Variants in SLC13A2 observed in about 807,000 individuals in gnomAD.
The protein encoded by SLC13A2 is solute carrier family 13 member 2.
In SLC13A2, 40 loss-of-function variants were observed where a neutral mutation model predicts 58.5. The ratio of observed to expected loss-of-function variants is 0.68; its 90% CI spans 0.53 to 0.89. The LOEUF is 0.89. SLC13A2 is among the 40% of genes least tolerant of loss of function. SLC13A2 has a pLI of 0.00. For missense variants in SLC13A2, 694 were observed against 772.6 expected (o/e 0.90, Z 1.21); for synonymous variants, 341 against 331.6 (o/e 1.03, Z -0.31).
intron 6 of SLC13A2, among the ~76,000 whole-genome samples, chr17:28,492,251 A>G (rs974563978): frequency 6.6e-6 from 1 of 152,228 alleles, no homozygotes; most frequent in African/African-American, 2.4e-5. Context: ...TGAGAATACT[A>G]GAAGGCACTG....
intron 1 of SLC13A2, among the ~76,000 whole-genome samples, chr17:28,477,445 T>G (rs190453428): frequency 6.6e-6 from 1 of 151,738 alleles, no homozygotes; most frequent in Admixed American, 6.6e-5. Context: ...CCGCCCGCCT[T>G]GGCCTCCCAA....
chr17:28,475,228 T>C (rs1555599678), intron 1 of SLC13A2, among the ~76,000 whole-genome samples: 1 of 152,104 alleles, frequency 6.6e-6, no homozygotes, highest in Non-Finnish European at 1.5e-5. Context: ...AAATCCTGAG[T>C]CAGTGCTAGA....
intron 1 of SLC13A2, among the ~76,000 whole-genome samples, chr17:28,475,878 C>T (rs531898019): frequency 1.3e-5 from 2 of 152,302 alleles, no homozygotes; most frequent in South Asian, 2.1e-4. Context: ...GATCTTATGC[C>T]ATCTCGTGCT....
At chr17:28,495,237 G>T (rs922431332) in intron 9 of SLC13A2, among the ~76,000 whole-genome samples, 2 of 152,166 alleles carry the variant, frequency 1.3e-5, no homozygotes, top group East Asian at 1.9e-4. Flanking sequence ...CCTCTGTCAG[G>T]GTCCTCCCCC....
At chr17:28,477,715 A>G (rs1200664918) in intron 1 of SLC13A2, among the ~76,000 whole-genome samples, 2 of 152,204 alleles carry the variant, frequency 1.3e-5, no homozygotes, top group East Asian at 1.9e-4. Flanking sequence ...ACATTATGCC[A>G]TGCACTTCAA....
Position 28,493,553 on chromosome 17 carries a change from C to T in SLC13A2, c.879-18C>T. ...TGGAGCAGGCCCCCCACGAGCTGCC[C>T]CGTCCCTCTGCCTGCAGCTTCCGGA... On this transcript the variant is annotated intron_variant, in intron 6 of 11. Transcript: ENST00000314669. 1.3e-6 allele frequency: 2 copies of T among 1,586,224 alleles called. No homozygotes were observed. The highest frequency in any genetic ancestry group is 1.7e-6 in the Non-Finnish European group (2 of 1,163,328).
At chr17:28,477,888 T>A (rs2068718228) in intron 1 of SLC13A2, among the ~76,000 whole-genome samples, 1 of 151,996 alleles carries the variant, frequency 6.6e-6, no homozygotes, top group Admixed American at 6.5e-5. Context: ...TGAAACTCCA[T>A]CTCTACTAAA....
intron 6 of SLC13A2, 145 bp from the exon 7 acceptor site, chr17:28,493,426 A>T (rs1555603883): frequency 1.6e-6 from 1 of 637,412 alleles, no homozygotes; most frequent in African/African-American, 1.8e-5. Context: ...CTCCTCCTCC[A>T]GAACCTCAGG....
At position 28,491,760 on chromosome 17, in the gene SLC13A2, C is replaced by G; in HGVS notation, c.786C>G (p.Asn262Lys). The stretch of plus-strand genomic sequence containing the variant: ...TCCCCCAAAACGGCAACGTGGTGAA[C>G]TTCGCCTCCTGGTTCAGCTTCGCCT... ...SLFPQNGNVV[N>K]FASWFSFAFP... The change falls in exon 6 of 12, where the codon AAC (asparagine) becomes AAG (lysine). Residue 262 changes from asparagine (N) to lysine (K), a missense_variant. By Grantham distance (94) the Asn-to-Lys change is moderately conservative. Coordinates refer to ENST00000314669, the MANE Select transcript of SLC13A2 (RefSeq NM_003984.4). 6.2e-7 allele frequency: 1 copy of G among 1,614,204 alleles called. No homozygotes were observed. The highest frequency in any genetic ancestry group is 1.1e-5 in the South Asian group (1 of 91,084).
chr17:28,495,789 G>C lies in SLC13A2; in HGVS notation c.1443G>C (p.Thr481=). Residue 481 remains threonine, a synonymous_variant, in exon 10 of 12, where the codon ACG becomes ACC. Transcript: ENST00000314669. The part of the protein sequence containing the change: ...TECTSNVATT[T]IFLPILASMA... ...GCACTAGCAACGTGGCCACCACTAC[G>C]ATCTTCCTGCCCATCCTAGCCTCCA... 3.7e-6 allele frequency: 6 copies of C among 1,613,296 alleles called. No homozygotes were observed. The highest frequency in any genetic ancestry group is 5.1e-6 in the Non-Finnish European group (6 of 1,179,864).
Position 28,481,628 on chromosome 17 carries a change from G to C in SLC13A2, c.103-7586G>C, listed in dbSNP as rs185106970. ...AAAATCAGGGGAATTGGCAATCATCGAGCAAATCCTGAGTGTTTAGGGCTT... is the reference window on the plus strand; with the variant it reads ...AAAATCAGGGGAATTGGCAATCATCCAGCAAATCCTGAGTGTTTAGGGCTT... On this transcript the variant is annotated intron_variant, in intron 1 of 11. Transcript: ENST00000314669. Among the ~76,000 whole-genome samples, 766 of 152,260 alleles carry C rather than the reference G, an allele frequency of 5.0e-3. 9 individuals carry two copies. The highest frequency in any genetic ancestry group is 4.8e-3 in the Non-Finnish European group (327 of 68,026).
chr17:28,479,713 T>C (rs2068749898), intron 1 of SLC13A2, among the ~76,000 whole-genome samples: 1 of 152,238 alleles, frequency 6.6e-6, no homozygotes, highest in African/African-American at 2.4e-5. Flanking sequence ...TACATGTGTT[T>C]GAATTTTAAA....
intron 1 of SLC13A2, among the ~76,000 whole-genome samples, chr17:28,477,370 AT>A (rs1216167046): frequency 1.3e-5 from 2 of 151,008 alleles, no homozygotes; most frequent in Non-Finnish European, 3.0e-5. Context: ...ATTTTTTTGT[AT>A]TTTTAGTAGA....
chr17:28,491,412 C>A (rs1312480898), intron 4 of SLC13A2, 25 bp from the exon 5 acceptor site: 29 of 1,611,770 alleles, frequency 1.8e-5, no homozygotes, highest in East Asian at 2.2e-5. Flanking sequence ...TACCTGCCCC[C>A]ACCTGGGCTC....
Position 28,495,759 on chromosome 17 carries a change from C to G in SLC13A2, c.1413C>G (p.Thr471=), listed in dbSNP as rs782765771. The part of the protein sequence containing the change: ...IILSLLVATF[T]ECTSNVATTT... ...TCTCCCTCCTGGTGGCCACCTTCACCGAGTGCACTAGCAACGTGGCCACCA... is the reference window on the plus strand; with the variant it reads ...TCTCCCTCCTGGTGGCCACCTTCACGGAGTGCACTAGCAACGTGGCCACCA... The change falls in exon 10 of 12, where the codon ACC becomes ACG. Residue 471 remains threonine (T), a synonymous_variant. Coordinates refer to ENST00000314669, the MANE Select transcript of SLC13A2 (RefSeq NM_003984.4). 1.2e-6 allele frequency: 2 copies of G among 1,613,492 alleles called. No homozygotes were observed. The highest frequency in any genetic ancestry group is 1.7e-6 in the Non-Finnish European group (2 of 1,179,980).
intron 6 of SLC13A2, among the ~76,000 whole-genome samples, chr17:28,493,290 C>T (rs9898856): frequency 0.032 from 4,870 of 152,210 alleles, 269 homozygotes; most frequent in African/African-American, 0.11. Flanking sequence ...GTCTGAGCTG[C>T]TAGGTCCTCC....
At chr17:28,475,523 G>A (rs369846108) in intron 1 of SLC13A2, among the ~76,000 whole-genome samples, 2 of 152,138 alleles carry the variant, frequency 1.3e-5, no homozygotes, top group African/African-American at 2.4e-5. Flanking sequence ...TCAAGGCCAC[G>A]CTCCTTCCAG....
rs1258442504 is a variant in SLC13A2, at chr17:28,495,560, A to C, written c.1309-95A>C. Reference sequence around the variant, plus strand: ...GTCTTTGACTCTGAATACCAGGGAGATGTTAGCAGGAGCAGGAGCCTCATA... The same window carrying C: ...GTCTTTGACTCTGAATACCAGGGAGCTGTTAGCAGGAGCAGGAGCCTCATA... On this transcript the variant is annotated intron_variant, in intron 9 of 11. Coordinates refer to ENST00000314669, the MANE Select transcript of SLC13A2 (RefSeq NM_003984.4). 3.3e-6 allele frequency: 4 copies of C among 1,230,242 alleles called. No homozygotes were observed. In the African/African-American group the frequency reaches 6.0e-5, roughly 18 times the overall value. The allele number at this position is 1,230,242 out of a possible 1,614,324, so 76.2% of individuals were successfully genotyped here.
At position 28,497,383 on chromosome 17, in the gene SLC13A2, C is replaced by A; in HGVS notation, c.*114C>A. ...AAGCTCCAGGCCAAAGGCTGAAAGG[C>A]ACGTGTGTACATAATCTCTTGCGTG... On this transcript the variant is annotated 3_prime_UTR_variant, in exon 12 of 12. Coordinates refer to ENST00000314669, the MANE Select transcript of SLC13A2 (RefSeq NM_003984.4). The A allele has an allele frequency of 8.7e-7, 1 of 1,150,012 alleles. No homozygotes were observed. Among genetic ancestry groups the A allele is most frequent in the Non-Finnish European group, 1.2e-6 (1 of 816,190 alleles). The allele number at this position is 1,150,012 out of a possible 1,614,324, so 71.2% of individuals were successfully genotyped here. A position where few individuals can be genotyped will look rare whatever the true frequency, so the allele number is the denominator to read the frequency against.
Sources: allele counts gnomAD v4.1 joint callset (sites outside exome capture counted in the v4.1 genomes callset), GRCh38; gene constraint gnomAD v4.1.1; transcripts MANE v1.5; gene names NCBI Gene and HGNC (gene_info 2026-07-23, HGNC 2026-07-21).